The following NOX4 variants were observed in gnomAD, a reference collection of about 807,000 sequenced individuals.
The protein encoded by NOX4 is kidney oxidase-1.
A neutral mutation model predicts 87.6 loss-of-function variants in NOX4; 69 were observed. That is an observed-to-expected ratio of 0.79 (90% confidence interval 0.65 to 0.96). NOX4 has a LOEUF of 0.96. Ranked by LOEUF, NOX4 falls within the 40% of genes least tolerant of loss-of-function variation. NOX4 has a pLI of 0.00. For missense variants in NOX4, 680 were observed against 681.5 expected, an observed-to-expected ratio of 1.00 and a Z score of 0.02; for synonymous variants, 275 against 238.2, an observed-to-expected ratio of 1.15 and a Z score of -1.42.
At chr11:89,554,349 C>T in the NOX4 span, among the ~76,000 whole-genome samples, 7 of 151,844 alleles carry the variant, frequency 4.6e-5, no homozygotes, top group Admixed American at 2.0e-4. Context: ...TTTTATATTC[C>T]ATCCTAGCTC....
upstream of NOX4, among the ~76,000 whole-genome samples, chr11:89,500,008 T>A (rs1018095186): frequency 3.9e-5 from 6 of 152,148 alleles, no homozygotes; most frequent in Non-Finnish European, 7.3e-5. Flanking sequence ...GTACTTCAGA[T>A]GTTATGCCTG....
intron 16 of NOX4, among the ~76,000 whole-genome samples, chr11:89,336,598 G>T (rs1945725582): frequency 6.6e-6 from 1 of 151,984 alleles, no homozygotes; most frequent in Non-Finnish European, 1.5e-5. Context: ...AAGAGTCAGA[G>T]TGAACTGCGG....
intron 11 of NOX4, among the ~76,000 whole-genome samples, chr11:89,392,554 G>C (rs1417150872): frequency 6.6e-6 from 1 of 152,128 alleles, no homozygotes; most frequent in African/African-American, 2.4e-5. Flanking sequence ...CAGGGGGAAA[G>C]AACAAACCTT....
At position 89,449,588 on chromosome 11, in the gene NOX4, T is replaced by G. The variant is rs922446415; in HGVS notation, c.265-64A>C. On this transcript the variant is annotated intron_variant, in intron 3 of 17. Transcript: ENST00000263317. ...CAAATGTGATAAAAGTTTTTCAGTA[T>G]AGCATTGTTCATTATGTCAAAATTT... is the stretch of plus-strand genomic sequence containing the variant. The G allele has an allele frequency of 1.6e-5, 21 of 1,306,110 alleles. No individual in the cohort carries two copies. In the South Asian group the frequency reaches 2.7e-4, roughly 17 times the overall value. The allele number at this position is 1,306,110 out of a possible 1,614,324, so 80.9% of individuals were successfully genotyped here. A position where few individuals can be genotyped will look rare whatever the true frequency, so the allele number is the denominator to read the frequency against.
chr11:89,543,659 A>C, the NOX4 span, among the ~76,000 whole-genome samples: 3 of 152,198 alleles, frequency 2.0e-5, no homozygotes, highest in Admixed American at 2.0e-4. Flanking sequence ...CAAAAAATTT[A>C]GTATATTATA....
At position 89,325,802 on chromosome 11, in the gene NOX4, A is replaced by G. The variant is rs1024140204; in HGVS notation, c.*954T>C. On this transcript the variant is annotated 3_prime_UTR_variant, in exon 18 of 18. Coordinates refer to ENST00000263317, the MANE Select transcript of NOX4 (RefSeq NM_016931.5). ...TAACTATCCTTAGAGGCTACAGCCT[A>G]AGACAAACCCTACCTGGGAAAAAAA... is the stretch of plus-strand genomic sequence containing the variant. 2 of 151,528 alleles carry G rather than the reference A, an allele frequency of 1.3e-5. No individual in the cohort carries two copies. The highest frequency in any genetic ancestry group is 4.8e-5 in the African/African-American group (2 of 41,258). The allele number at this position is 151,528 out of a possible 1,614,324, so 9.4% of individuals were successfully genotyped here. A position where few individuals can be genotyped will look rare whatever the true frequency, so the allele number is the denominator to read the frequency against.
At chr11:89,394,676 T>C (rs1475893231) in intron 11 of NOX4, among the ~76,000 whole-genome samples, 2 of 150,074 alleles carry the variant, frequency 1.3e-5, no homozygotes, top group African/African-American at 4.9e-5. Flanking sequence ...TGACAGGCCC[T>C]GGTTTGTGAT....
At chr11:89,537,445 G>A in the NOX4 span, among the ~76,000 whole-genome samples, 2 of 151,036 alleles carry the variant, frequency 1.3e-5, no homozygotes, top group African/African-American at 4.9e-5. Context: ...TTATACATAA[G>A]TATCTCTCAT....
chr11:89,443,930 C>A (rs1001698850), intron 5 of NOX4: 4 of 519,004 alleles, frequency 7.7e-6, no homozygotes, highest in Non-Finnish European at 1.4e-5. Context: ...AGACATTCTA[C>A]CAACTCTCAC....
chr11:89,560,004 A>T, the NOX4 span, among the ~76,000 whole-genome samples: 1 of 152,108 alleles, frequency 6.6e-6, no homozygotes, highest in African/African-American at 2.4e-5. Context: ...TATGAATGCG[A>T]CCTCATTTGG....
the NOX4 span, among the ~76,000 whole-genome samples, chr11:89,520,749 A>G: frequency 6.6e-6 from 1 of 152,104 alleles, no homozygotes; most frequent in African/African-American, 2.4e-5. Context: ...AAAAGGAACA[A>G]ACTATCTCTC....
chr11:89,422,135 A>G (rs546260607), intron 7 of NOX4, among the ~76,000 whole-genome samples, 153 bp from the exon 8 acceptor site: 1 of 152,284 alleles, frequency 6.6e-6, no homozygotes, highest in South Asian at 2.1e-4. Flanking sequence ...AAGTATTAAC[A>G]CAGTATATAG....
chr11:89,410,443 G>A lies in NOX4; in HGVS notation c.630-7901C>T, dbSNP rs191056292. The stretch of plus-strand genomic sequence containing the variant: ...GCTTCATCCAGTAAATACTGAGTGA[G>A]TGATATGTGAAAGGGATTCCCTGCA... On this transcript the variant is annotated intron_variant, in intron 8 of 17. Transcript: ENST00000263317. Among the ~76,000 whole-genome samples the A allele has an allele frequency of 1.3e-3, 204 of 152,332 alleles. 2 individuals are homozygous for A. The highest frequency in any genetic ancestry group is 3.4e-3 in the Middle Eastern group (1 of 294).
intron 2 of NOX4, among the ~76,000 whole-genome samples, 168 bp downstream of exon 2, chr11:89,490,290 T>C (rs892263229): frequency 1.3e-5 from 2 of 152,212 alleles, no homozygotes; most frequent in Non-Finnish European, 2.9e-5. Context: ...TTTTAACTTG[T>C]ACAAGTGTAA....
chr11:89,542,751 T>G, the NOX4 span, among the ~76,000 whole-genome samples: 1 of 152,180 alleles, frequency 6.6e-6, no homozygotes, highest in South Asian at 2.1e-4. Flanking sequence ...GGGCAGGAAC[T>G]CAGGTTTCTA....
At chr11:89,469,972 T>C (rs945430289) in intron 2 of NOX4, among the ~76,000 whole-genome samples, 16 of 152,014 alleles carry the variant, frequency 1.1e-4, no homozygotes, top group Non-Finnish European at 4.4e-5. Flanking sequence ...TAGAGGACAA[T>C]TTGAAGTCAC....
chr11:89,343,735 T>C (rs559807172), intron 13 of NOX4, among the ~76,000 whole-genome samples: 13 of 152,210 alleles, frequency 8.5e-5, no homozygotes, highest in Non-Finnish European at 1.3e-4. Context: ...TGTAACCAGA[T>C]TGTAGAAATT....
At chr11:89,355,134 G>T in intron 12 of NOX4, 91 bp from the exon 13 acceptor site, 1 of 965,886 alleles carries the variant, frequency 1.0e-6, no homozygotes, top group Middle Eastern at 2.2e-4. Flanking sequence ...GGTTTATTTT[G>T]TTAGACATTT....
chr11:89,523,029 T>C, the NOX4 span, among the ~76,000 whole-genome samples: 1 of 152,092 alleles, frequency 6.6e-6, no homozygotes, highest in Non-Finnish European at 1.5e-5. Flanking sequence ...TTTTTTCTTT[T>C]CTTTTTTTTC....
Sources: allele counts gnomAD v4.1 joint callset (sites outside exome capture counted in the v4.1 genomes callset), GRCh38; gene constraint gnomAD v4.1.1; transcripts MANE v1.5; gene names NCBI Gene and HGNC (gene_info 2026-07-23, HGNC 2026-07-21).